RYR1: variants seen among roughly 807,000 people sequenced by gnomAD.
RYR1 encodes the protein ryanodine receptor 1.
RYR1 carries 342 observed loss-of-function variants against 583.5 expected under a neutral mutation model. The observed-to-expected ratio is 0.59, with a 90% CI of 0.54 to 0.64. RYR1 has a LOEUF of 0.64. Ranked by LOEUF, RYR1 falls within the 30% of genes least tolerant of loss-of-function variation. The pLI is 0.00. For missense variants in RYR1, 6,032 were observed against 6,917.2 expected (o/e 0.87, Z 4.54); for synonymous variants, 2,791 against 2,822.5 (o/e 0.99, Z 0.35).
In RYR1 at chr19:38,438,616, C is replaced by CTTTTTTT. The variant is rs71165544; in HGVS notation, c.46-2115_46-2109dup. ...CATTATGTATATTGCCCAGGCTAGT[C>CTTTTTTT]TTTTTTTTTTTTTTTTTTTTGAGAT... On this transcript the variant is annotated intron_variant, in intron 1 of 105. Transcript: ENST00000359596. 4.1e-3 allele frequency among the ~76,000 whole-genome samples: 383 copies of CTTTTTTT among 93,960 alleles called. 17 individuals carry two copies. The highest frequency in any genetic ancestry group is 9.4e-3 in the East Asian group (25 of 2,660). 61.6% of individuals were successfully genotyped at this position (93,960 alleles called of 152,430 possible).
At position 38,444,470 on chromosome 19, in the gene RYR1, CTG is replaced by C; in HGVS notation, c.538-112_538-111del. 1.1e-6 allele frequency: 1 copy of C among 926,552 alleles called. No homozygotes were observed. The highest frequency in any genetic ancestry group is 1.7e-6 in the Non-Finnish European group (1 of 577,824). 57.4% of individuals were successfully genotyped at this position (926,552 alleles called of 1,614,324 possible). On this transcript the variant is annotated intron_variant, in intron 6 of 105. Coordinates refer to ENST00000359596, the MANE Select transcript of RYR1 (RefSeq NM_000540.3). This position sits in a 1 kb window ranked among gnomAD's most constrained non-coding sequence, Gnocchi z 5.1. The stretch of plus-strand genomic sequence containing the variant: ...TCCTGATCTGTGATCTCTGATGACT[CTG>C]TCTCCCATCTGCCGGTTTCCGGGTA...
chr19:38,566,923 G>A lies in RYR1; in HGVS notation c.13450G>A (p.Glu4484Lys). 6.2e-7 allele frequency: 1 copy of A among 1,605,750 alleles called. No homozygotes were observed. Among genetic ancestry groups the A allele is most frequent in the Non-Finnish European group, 8.5e-7 (1 of 1,176,488 alleles). Residue 4484 changes from glutamate (E) to lysine (K), a missense_variant, in exon 92 of 106, where the codon GAG (glutamate) becomes AAG (lysine). This residue lies in a region of RYR1 where 753 missense variants were observed against 759.6 expected (regional missense o/e 0.99). Transcript: ENST00000359596. ...GCCCTGTCCCTAGGTGGATGGAGTG[G>A]AGGAGGAGCTCCCGCCAGAGCCAGA... Reference protein sequence around the residue: ...LKRKLGVDGVEEELPPEPEPE... With the variant: ...LKRKLGVDGVKEELPPEPEPE...
intron 28 of RYR1, among the ~76,000 whole-genome samples, chr19:38,474,091 A>G (rs2145486792): frequency 6.6e-6 from 1 of 152,326 alleles, no homozygotes; most frequent in Non-Finnish European, 1.5e-5. Context: ...GGACTTCAGT[A>G]TCTTCCTAGG....
intron 12 of RYR1, among the ~76,000 whole-genome samples, chr19:38,452,188 G>A (rs1309296281): frequency 6.9e-6 from 1 of 145,700 alleles, no homozygotes; most frequent in Non-Finnish European, 1.5e-5. Context: ...TGTAATCCTA[G>A]CACTTTGAGA....
intron 21 of RYR1, 89 bp downstream of exon 21, chr19:38,463,616 C>T: frequency 2.0e-6 from 3 of 1,467,846 alleles, no homozygotes; most frequent in South Asian, 1.1e-5. Context: ...GAGGGAGGGA[C>T]CACAGGGCAC....
rs991157353 is a variant in RYR1, at chr19:38,500,042, G to A, written c.7323+26G>A. ...GTGAGACCCTGAGCCAGGGCAGGAT[G>A]GGAAGGGAGGGCAGGCACAGCCGCT... On this transcript the variant is annotated intron_variant, in intron 45 of 105. Coordinates refer to ENST00000359596, the MANE Select transcript of RYR1 (RefSeq NM_000540.3). This position sits in a 1 kb window ranked among gnomAD's most constrained non-coding sequence, Gnocchi z 5.9. 3 of 1,603,904 alleles carry A rather than the reference G, an allele frequency of 1.9e-6. No individual in the cohort carries two copies. The highest frequency in any genetic ancestry group is 1.7e-5 in the Admixed American group (1 of 59,996).
chr19:38,539,509 A>G (rs960624040), intron 84 of RYR1, among the ~76,000 whole-genome samples: 1 of 152,098 alleles, frequency 6.6e-6, no homozygotes, highest in South Asian at 2.1e-4. Flanking sequence ...AAATGCTGGG[A>G]TTACAGGTGT....
At position 38,561,040 on chromosome 19, in the gene RYR1, TAAA is replaced by T. The variant is rs550360145; in HGVS notation, c.12283-58_12283-56del. On this transcript the variant is annotated intron_variant, in intron 89 of 105. Transcript: ENST00000359596. This position sits in a 1 kb window ranked among gnomAD's most constrained non-coding sequence, Gnocchi z 4.8. The stretch of plus-strand genomic sequence containing the variant: ...TGGGCGACACAGCGAGACCTTGTCT[TAAA>T]AAAAAAAAAAAAAAGAGAGAGAATT... 5,387 of 1,145,392 alleles carry T rather than the reference TAAA, an allele frequency of 4.7e-3. No individual in the cohort carries two copies. Among genetic ancestry groups the T allele is most frequent in the Admixed American group, 6.3e-3 (256 of 40,506 alleles). The allele number at this position is 1,145,392 out of a possible 1,614,324, so 71.0% of individuals were successfully genotyped here.
chr19:38,469,579 T>C (rs1968309089), intron 27 of RYR1, 66 bp downstream of exon 27: 8 of 1,468,498 alleles, frequency 5.4e-6, no homozygotes. Flanking sequence ...ACAGTGCTCT[T>C]CTTTGAGTTT....
rs959737076 is a variant in RYR1, at chr19:38,585,069, G to C, written c.14773G>C (p.Val4925Leu). Residue 4925 changes from valine (V) to leucine (L), a missense_variant, in exon 102 of 106, where the codon GTC becomes CTC. By Grantham distance (32) the Val-to-Leu change is conservative (BLOSUM62 1). Transcript: ENST00000359596. ...VVFDITFFFF[V>L]IVILLAIIQG... ...CTTCGACATCACCTTCTTCTTCTTC[G>C]TCATCGTCATCCTGTTGGCCATCAT... 2.5e-6 allele frequency: 4 copies of C among 1,613,854 alleles called. No homozygotes were observed. The highest frequency in any genetic ancestry group is 2.5e-6 in the Non-Finnish European group (3 of 1,179,932).
In RYR1 at chr19:38,499,696, C is replaced by T. The variant is rs2228071; in HGVS notation, c.7089C>T (p.Cys2363=). 0.056 allele frequency: 90,125 copies of T among 1,600,574 alleles called. 2,923 individuals carry two copies. The highest frequency in any genetic ancestry group is 0.13 in the East Asian group (5,708 of 44,844). Residue 2363 remains cysteine, a synonymous_variant, in exon 44 of 106, where the codon TGC becomes TGT. Coordinates refer to ENST00000359596, the MANE Select transcript of RYR1 (RefSeq NM_000540.3). This position sits in a 1 kb window ranked among gnomAD's most constrained non-coding sequence, Gnocchi z 7.3. ...VVRLLIRKPE[C]FGPALRGEGG... ...GGCTGCTCATCCGGAAGCCTGAGTG[C>T]TTCGGACCCGCCCTGCGGGGTGAGG...
rs12981819 is a variant in RYR1 at position 38,435,662 on chromosome 19, G to A, written c.45+1788G>A. Among the ~76,000 whole-genome samples the A allele has an allele frequency of 2.0e-3, 310 of 152,160 alleles. 5 individuals are homozygous for A. In the Middle Eastern group the frequency reaches 0.02, roughly 10 times the overall value. ...GAAGTGGGAGGATTGCTTGAACCTG[G>A]GAGGCAGAGGTTGCAGTGAGCCGAG... On this transcript the variant is annotated intron_variant, in intron 1 of 105. Transcript: ENST00000359596.
At chr19:38,532,604 C>T in intron 77 of RYR1, 63 bp downstream of exon 77, 2 of 1,613,634 alleles carry the variant, frequency 1.2e-6, no homozygotes, top group East Asian at 2.2e-5. Flanking sequence ...TGCTTGTCCA[C>T]AAAAAGGGCT....
rs1194472021 is a variant in RYR1, at chr19:38,561,018, G to C, written c.12283-95G>C. 10 of 1,184,676 alleles carry C rather than the reference G, an allele frequency of 8.4e-6. No individual in the cohort carries two copies. Among genetic ancestry groups the C allele is most frequent in the Admixed American group, 6.3e-5 (3 of 47,346 alleles). The allele number at this position is 1,184,676 out of a possible 1,614,324, so 73.4% of individuals were successfully genotyped here. A position where few individuals can be genotyped will look rare whatever the true frequency, so the allele number is the denominator to read the frequency against. ...ATTGCGCCACTGCACTCCAGCCTGG[G>C]CGACACAGCGAGACCTTGTCTTAAA... On this transcript the variant is annotated intron_variant, in intron 89 of 105. Transcript: ENST00000359596. The surrounding 1 kb of genome is among the most constrained non-coding windows in gnomAD (Gnocchi z 4.8).
intron 13 of RYR1, 57 bp from the exon 14 acceptor site, chr19:38,455,178 C>T: frequency 6.3e-7 from 1 of 1,594,824 alleles, no homozygotes; most frequent in South Asian, 1.1e-5. Flanking sequence ...CCAAGAAAGA[C>T]AAGGAAGGGA....
intron 38 of RYR1, among the ~76,000 whole-genome samples, chr19:38,493,850 G>C (rs1405311950): frequency 2.0e-5 from 3 of 152,108 alleles, no homozygotes; most frequent in Non-Finnish European, 2.9e-5. Context: ...GAACAAGTGG[G>C]ATTGTGACAT....
chr19:38,573,448 A>G (rs1184317680), intron 96 of RYR1, 141 bp downstream of exon 96: 39 of 1,092,486 alleles, frequency 3.6e-5, no homozygotes, highest in Non-Finnish European at 4.4e-5. Context: ...TTGGGAGGCT[A>G]AGGCGGGCGG....
intron 13 of RYR1, among the ~76,000 whole-genome samples, chr19:38,454,335 C>T (rs151022828): frequency 6.6e-6 from 1 of 152,364 alleles, no homozygotes; most frequent in Non-Finnish European, 1.5e-5. Context: ...CCACTGCACC[C>T]AGACAGTTTT....
At chr19:38,447,460 G>A (rs1182234685) in intron 9 of RYR1, among the ~76,000 whole-genome samples, 1 of 152,136 alleles carries the variant, frequency 6.6e-6, no homozygotes, top group Non-Finnish European at 1.5e-5. Context: ...AGAATCCCTT[G>A]AACCCAGGAG....
Sources: allele counts gnomAD v4.1 joint callset (sites outside exome capture counted in the v4.1 genomes callset), GRCh38; gene constraint gnomAD v4.1.1; regional missense constraint gnomAD v4.1.1; non-coding constraint Gnocchi (gnomAD v3.1); transcripts MANE v1.5; gene names NCBI Gene and HGNC (gene_info 2026-07-23, HGNC 2026-07-21).